Variants in PCLO observed in about 807,000 individuals in gnomAD.
PCLO encodes the protein piccolo presynaptic cytomatrix protein, also known as protein piccolo.
Under a neutral mutation model 427.5 loss-of-function variants are expected in PCLO, and 82 were observed. The observed-to-expected ratio is 0.19, with a 90% CI of 0.16 to 0.23. PCLO has a LOEUF of 0.23. Among genes scored for constraint, PCLO ranks in the 10% least tolerant of loss-of-function variants. The probability of loss-of-function intolerance (pLI) is 1.00; values close to 1 mark genes in which losing one functional copy is unlikely to be tolerated. For synonymous variants in PCLO, 2,357 were observed against 2,155.4 expected (o/e 1.09, Z -2.59); for missense variants, 6,239 against 6,115.9 (o/e 1.02, Z -0.67).
At chr7:83,079,685 A>G (rs1790045559) in intron 3 of PCLO, among the ~76,000 whole-genome samples, 1 of 152,120 alleles carries the variant, frequency 6.6e-6, no homozygotes, top group Admixed American at 6.5e-5. Context: ...AGATTAAATA[A>G]AATTACATAA....
chr7:82,799,200 T>G (rs1425835588), intron 22 of PCLO, among the ~76,000 whole-genome samples: 1 of 152,238 alleles, frequency 6.6e-6, no homozygotes, highest in Non-Finnish European at 1.5e-5. Flanking sequence ...ATCTAAATTC[T>G]AGACTAATAC....
At chr7:82,791,227 TA>T (rs1371989539) in intron 22 of PCLO, among the ~76,000 whole-genome samples, 2 of 142,230 alleles carry the variant, frequency 1.4e-5, no homozygotes, top group African/African-American at 2.5e-5. Context: ...TAGATTTTTT[TA>T]AAAAAGATGA....
At chr7:82,822,393 AG>A in intron 20 of PCLO, 101 bp downstream of exon 20, 1 of 1,601,916 alleles carries the variant, frequency 6.2e-7, no homozygotes, top group Non-Finnish European at 8.5e-7. Context: ...GGGTGAGCAG[AG>A]GATGTTGAAA....
At chr7:83,048,290 C>G (rs1453488057) in intron 3 of PCLO, among the ~76,000 whole-genome samples, 1 of 151,848 alleles carries the variant, frequency 6.6e-6, no homozygotes, top group Non-Finnish European at 1.5e-5. Flanking sequence ...GAATACTATA[C>G]CTGTTCTTTA....
intron 3 of PCLO, among the ~76,000 whole-genome samples, chr7:83,121,433 CTT>C (rs1791276223): frequency 6.6e-6 from 1 of 151,974 alleles, no homozygotes; most frequent in South Asian, 2.1e-4. Context: ...GAAAAAATCA[CTT>C]TTACACCTAA....
intron 22 of PCLO, among the ~76,000 whole-genome samples, chr7:82,796,372 C>G (rs977362744): frequency 3.3e-5 from 5 of 151,988 alleles, no homozygotes; most frequent in Non-Finnish European, 5.9e-5. Flanking sequence ...GAGGCTTTCC[C>G]CTTGCACCCT....
chr7:82,969,255 C>T (rs1795850158), intron 3 of PCLO, among the ~76,000 whole-genome samples: 1 of 152,000 alleles, frequency 6.6e-6, no homozygotes, highest in Non-Finnish European at 1.5e-5. Flanking sequence ...TCTATTTTGT[C>T]ACATAAAATA....
At position 82,952,361 on chromosome 7, in the gene PCLO, C is replaced by T. The variant is rs2116433088; in HGVS notation, c.8592G>A (p.Val2864=). ...TGACAGGTTTTGTAATAGCCAATGT[C>T]ACTGCATGTGCTGGAGTACCTAGAG... ...NLSLGTPAHA[V]TLAITKPVTV... Residue 2864 remains valine (V), a synonymous_variant, in exon 5 of 25, where the codon GTG becomes GTA. Transcript: ENST00000333891. 3.1e-6 allele frequency: 5 copies of T among 1,613,852 alleles called. No homozygotes were observed. The highest frequency in any genetic ancestry group is 4.2e-6 in the Non-Finnish European group (5 of 1,179,778).
At chr7:83,090,896 C>T (rs1021588737) in intron 3 of PCLO, among the ~76,000 whole-genome samples, 26 of 152,040 alleles carry the variant, frequency 1.7e-4, no homozygotes, top group African/African-American at 6.3e-4. Flanking sequence ...GGAGTACTTC[C>T]TTTTGATTAG....
chr7:82,858,879 C>T (rs1380984449), intron 10 of PCLO, among the ~76,000 whole-genome samples: 1 of 152,102 alleles, frequency 6.6e-6, no homozygotes, highest in Non-Finnish European at 1.5e-5. Flanking sequence ...GTTAAAATGT[C>T]CATACTAACC....
intron 7 of PCLO, among the ~76,000 whole-genome samples, chr7:82,911,880 C>T (rs1216514600): frequency 6.6e-6 from 1 of 152,114 alleles, no homozygotes; most frequent in Non-Finnish European, 1.5e-5. Context: ...CTCAGCCTCC[C>T]AAAGTGCTGG....
intron 3 of PCLO, among the ~76,000 whole-genome samples, chr7:83,053,989 A>AC (rs1789316412): frequency 6.6e-6 from 1 of 152,054 alleles, no homozygotes; most frequent in Non-Finnish European, 1.5e-5. Context: ...ATCATGTACC[A>AC]CAAAAGAACA....
chr7:83,070,245 A>G (rs750606018), intron 3 of PCLO, among the ~76,000 whole-genome samples: 11 of 152,188 alleles, frequency 7.2e-5, no homozygotes, highest in Non-Finnish European at 1.5e-4. Context: ...TCTAGCTCCA[A>G]GTAATTTTCA....
chr7:83,062,552 C>A (rs1319873468), intron 3 of PCLO, among the ~76,000 whole-genome samples: 1 of 152,074 alleles, frequency 6.6e-6, no homozygotes, highest in Non-Finnish European at 1.5e-5. Context: ...AACAGCTCTG[C>A]CAATACCTGG....
At chr7:82,772,083 C>T (rs1458559210) in intron 22 of PCLO, among the ~76,000 whole-genome samples, 1 of 152,062 alleles carries the variant, frequency 6.6e-6, no homozygotes, top group African/African-American at 2.4e-5. Flanking sequence ...CCTTATTTAT[C>T]TTTGTCTTTG....
intron 10 of PCLO, among the ~76,000 whole-genome samples, chr7:82,871,498 A>G (rs1793237080): frequency 1.3e-5 from 2 of 151,934 alleles, no homozygotes; most frequent in African/African-American, 4.8e-5. Flanking sequence ...TAATGAGACA[A>G]ATGTACAGTT....
chr7:83,073,783 A>C (rs1234238709), intron 3 of PCLO, among the ~76,000 whole-genome samples: 3 of 151,120 alleles, frequency 2.0e-5, no homozygotes, highest in Non-Finnish European at 4.4e-5. Context: ...TTTTAACATA[A>C]ATTTTTTTAA....
chr7:83,050,704 C>G (rs1583958575), intron 3 of PCLO, among the ~76,000 whole-genome samples: 1 of 149,392 alleles, frequency 6.7e-6, no homozygotes, highest in South Asian at 2.1e-4. Flanking sequence ...AGTTTGGGAA[C>G]AGCCTGGCCA....
chr7:82,791,855 A>G (rs1281383038), intron 22 of PCLO, among the ~76,000 whole-genome samples: 1 of 152,012 alleles, frequency 6.6e-6, no homozygotes, highest in Admixed American at 6.5e-5. Context: ...AAAAATTTTC[A>G]TTAAAGTAAT....
Sources: allele counts gnomAD v4.1 joint callset (sites outside exome capture counted in the v4.1 genomes callset), GRCh38; gene constraint gnomAD v4.1.1; transcripts MANE v1.5; gene names NCBI Gene and HGNC (gene_info 2026-07-23, HGNC 2026-07-21).